Variants in STAC observed in about 807,000 individuals in gnomAD.
The protein encoded by STAC is SH3 and cysteine-rich domain-containing protein.
Under a neutral mutation model 48.8 loss-of-function variants are expected in STAC, and 43 were observed. The observed-to-expected ratio is 0.88, with a 90% CI of 0.69 to 1.14. The LOEUF (loss-of-function observed/expected upper bound fraction) is 1.14. STAC is among the 50% of genes most tolerant of loss of function. The pLI is 0.00. For synonymous variants in STAC, 193 were observed against 179.5 expected (o/e 1.07, Z -0.60); for missense variants, 497 against 504.0 (o/e 0.99, Z 0.13).
intron 2 of STAC, 138 bp from the exon 3 acceptor site, chr3:36,482,854 T>G: frequency 1.6e-6 from 1 of 606,556 alleles, no homozygotes; most frequent in Non-Finnish European, 3.0e-6. Context: ...ACCATATATA[T>G]TTTTTTTCTA....
intron 10 of STAC, among the ~76,000 whole-genome samples, chr3:36,533,004 C>T (rs570531065): frequency 1.3e-5 from 2 of 152,246 alleles, no homozygotes; most frequent in Admixed American, 1.3e-4. Flanking sequence ...GTGTCTTGCT[C>T]AAGGGGCAAA....
intron 1 of STAC, among the ~76,000 whole-genome samples, chr3:36,386,220 A>G (rs78533358): frequency 0.02 from 3,016 of 152,106 alleles, 102 homozygotes; most frequent in African/African-American, 0.068. Flanking sequence ...TATTTCCCCA[A>G]TGACTAATAA....
intron 2 of STAC, among the ~76,000 whole-genome samples, chr3:36,444,909 T>C (rs779008542): frequency 5.9e-5 from 9 of 152,036 alleles, no homozygotes; most frequent in Non-Finnish European, 1.2e-4. Context: ...CGATGGAGGG[T>C]CTCATCACGT....
At chr3:36,491,025 C>G (rs906302739) in intron 5 of STAC, among the ~76,000 whole-genome samples, 2 of 152,156 alleles carry the variant, frequency 1.3e-5, no homozygotes, top group African/African-American at 2.4e-5. Flanking sequence ...ACTTAAAGAT[C>G]TGTCACTTCA....
chr3:36,545,747 G>A (rs115044424), intron 10 of STAC, among the ~76,000 whole-genome samples: 109 of 152,252 alleles, frequency 7.2e-4, no homozygotes, highest in Non-Finnish European at 1.4e-3. Context: ...ACTTCCTGAT[G>A]TTATATGAGG....
chr3:36,465,142 AT>A (rs1211085632), intron 2 of STAC, among the ~76,000 whole-genome samples: 1 of 152,116 alleles, frequency 6.6e-6, no homozygotes, highest in Non-Finnish European at 1.5e-5. Context: ...AAATGTTTTT[AT>A]TATGACCATT....
intron 6 of STAC, 135 bp from the exon 7 acceptor site, chr3:36,504,258 C>G: frequency 1.3e-6 from 1 of 766,552 alleles, no homozygotes; most frequent in Non-Finnish European, 2.1e-6. Context: ...CGCTGGGTCA[C>G]AGAGGGTGAG....
chr3:36,380,720 C>G lies in STAC; in HGVS notation c.77C>G (p.Pro26Arg). The G allele has an allele frequency of 6.2e-7, 1 of 1,612,110 alleles. No individual in the cohort carries two copies. The highest frequency in any genetic ancestry group is 8.5e-7 in the Non-Finnish European group (1 of 1,179,274). The change falls in exon 1 of 11, where the codon CCC (proline) becomes CGC (arginine). Residue 26 changes from proline to arginine, a missense_variant. By Grantham distance (103) the Pro-to-Arg change is moderately radical. Coordinates refer to ENST00000273183, the MANE Select transcript of STAC (RefSeq NM_003149.3). ...PKEAVGAEQP[P>R]SPASTSSQES... ...GAGGCGGTGGGCGCCGAGCAACCGC[C>G]CTCTCCTGCATCCACCAGCAGCCAG... is the stretch of plus-strand genomic sequence containing the variant.
At chr3:36,444,781 T>C (rs1404621348) in intron 2 of STAC, among the ~76,000 whole-genome samples, 1 of 151,578 alleles carries the variant, frequency 6.6e-6, no homozygotes, top group Non-Finnish European at 1.5e-5. Flanking sequence ...GGATTACTGA[T>C]CTTTTTTTGT....
At chr3:36,488,192 T>C (rs1215567435) in intron 5 of STAC, among the ~76,000 whole-genome samples, 1 of 152,202 alleles carries the variant, frequency 6.6e-6, no homozygotes, top group African/African-American at 2.4e-5. Context: ...CTGAGTGTAC[T>C]GAGTAGCTGG....
intron 1 of STAC, among the ~76,000 whole-genome samples, chr3:36,404,379 G>T (rs777317260): frequency 5.9e-5 from 9 of 152,110 alleles, no homozygotes; most frequent in Non-Finnish European, 1.2e-4. Context: ...GTAGTATTGG[G>T]ATCATAATGA....
At position 36,440,061 on chromosome 3, in the gene STAC, G is replaced by A. The variant is rs561176145; in HGVS notation, c.112-3303G>A. Among the ~76,000 whole-genome samples, 34 of 152,312 alleles carry A rather than the reference G, an allele frequency of 2.2e-4. No individual in the cohort carries two copies. In the South Asian group the frequency reaches 2.3e-3, roughly 10 times the overall value. On this transcript the variant is annotated intron_variant, in intron 1 of 10. Transcript: ENST00000273183. ...TGACCTTTCTGCAGGTTGTTACAGC[G>A]TCTCTGGCTAGCCTTTTCTAGCTGA...
At chr3:36,410,400 T>C (rs531948844) in intron 1 of STAC, among the ~76,000 whole-genome samples, 1 of 152,306 alleles carries the variant, frequency 6.6e-6, no homozygotes, top group South Asian at 2.1e-4. Flanking sequence ...AAGAGCTTTA[T>C]GAGGATTCTT....
intron 1 of STAC, among the ~76,000 whole-genome samples, chr3:36,415,131 G>A (rs1700289577): frequency 6.6e-6 from 1 of 152,198 alleles, no homozygotes; most frequent in African/African-American, 2.4e-5. Flanking sequence ...CCCACTTGAG[G>A]AGGCAGTCTG....
rs935078909 is a variant in STAC, at chr3:36,547,789, C to T, written c.*1500C>T. On this transcript the variant is annotated 3_prime_UTR_variant, in exon 11 of 11. Coordinates refer to ENST00000273183, the MANE Select transcript of STAC (RefSeq NM_003149.3). ...TGCTGGTTTCACAGAAGTTTGGATG[C>T]CTTACTCTTATCTTAAAGCCAGCAT... 1 of 152,132 alleles carries T rather than the reference C, an allele frequency of 6.6e-6. No homozygotes were observed. Among genetic ancestry groups the T allele is most frequent in the African/African-American group, 2.4e-5 (1 of 41,438 alleles). 9.4% of individuals were successfully genotyped at this position (152,132 alleles called of 1,614,324 possible). A position where few individuals can be genotyped will look rare whatever the true frequency, so the allele number is the denominator to read the frequency against.
intron 2 of STAC, among the ~76,000 whole-genome samples, chr3:36,458,653 G>C (rs1559499656): frequency 6.6e-6 from 1 of 152,160 alleles, no homozygotes; most frequent in Non-Finnish European, 1.5e-5. Context: ...GAGAGGGTTG[G>C]CTAGATCTGG....
intron 1 of STAC, among the ~76,000 whole-genome samples, chr3:36,411,603 A>T (rs1351250694): frequency 6.6e-6 from 1 of 152,210 alleles, no homozygotes; most frequent in African/African-American, 2.4e-5. Context: ...GCACCATAGG[A>T]ATTAAGACCA....
chr3:36,380,709 C>G lies in STAC; in HGVS notation c.66C>G (p.Ala22=), dbSNP rs139348907. 1.1e-4 allele frequency: 170 copies of G among 1,611,732 alleles called. 1 individual carries two copies. In the African/African-American group the frequency reaches 2.0e-3, roughly 19 times the overall value. Residue 22 remains alanine (A), a synonymous_variant, in exon 1 of 11, where the codon GCC becomes GCG. Transcript: ENST00000273183. ...GGCTGCCCAAGGAGGCGGTGGGCGCCGAGCAACCGCCCTCTCCTGCATCCA... is the reference window on the plus strand; with the variant it reads ...GGCTGCCCAAGGAGGCGGTGGGCGCGGAGCAACCGCCCTCTCCTGCATCCA... ...VDGLPKEAVG[A]EQPPSPASTS...
At chr3:36,495,457 C>G (rs1231324877) in intron 6 of STAC, among the ~76,000 whole-genome samples, 1 of 152,202 alleles carries the variant, frequency 6.6e-6, no homozygotes, top group Admixed American at 6.5e-5. Context: ...TTCATTCAAC[C>G]AGTTGATTAG....
Sources: gnomAD v4.1 joint callset for allele counts (sites outside exome capture counted in the v4.1 genomes callset) on GRCh38, gnomAD v4.1.1 for gene constraint, MANE v1.5 for transcripts, NCBI Gene and HGNC (gene_info 2026-07-23, HGNC 2026-07-21) for gene names.